CKAP5: variants seen among roughly 807,000 people sequenced by gnomAD.
The protein encoded by CKAP5 is cytoskeleton associated protein 5, also known as cytoskeleton-associated protein 5.
In CKAP5, 27 loss-of-function variants were observed where a neutral mutation model predicts 232.8. That is an observed-to-expected ratio of 0.12 (90% confidence interval 0.09 to 0.16). The LOEUF (loss-of-function observed/expected upper bound fraction) is 0.16. Ranked by LOEUF, CKAP5 falls within the 10% of genes least tolerant of loss-of-function variation. The pLI is 1.00. For missense variants in CKAP5, 1,838 were observed against 2,424.7 expected (o/e 0.76, Z 5.08); for synonymous variants, 785 against 841.1 (o/e 0.93, Z 1.16).
intron 4 of CKAP5, among the ~76,000 whole-genome samples, chr11:46,813,944 C>T (rs1474325577): frequency 1.3e-5 from 2 of 151,322 alleles, no homozygotes; most frequent in Non-Finnish European, 2.9e-5. Flanking sequence ...CCAGCCTGAC[C>T]AACATGGAGA....
intron 22 of CKAP5, among the ~76,000 whole-genome samples, 197 bp from the exon 23 acceptor site, chr11:46,777,749 G>A (rs1452597056): frequency 6.6e-6 from 1 of 152,064 alleles, no homozygotes; most frequent in Non-Finnish European, 1.5e-5. Context: ...TCATCAGTTC[G>A]TAAAACTAGA....
intron 18 of CKAP5, 102 bp from the exon 19 acceptor site, chr11:46,780,587 G>A (rs2134623374): frequency 1.1e-6 from 1 of 888,694 alleles, no homozygotes; most frequent in Non-Finnish European, 1.8e-6. Flanking sequence ...CTTTGGCAAA[G>A]TTCTCACTTT....
At chr11:46,802,338 T>C (rs1939048268) in intron 8 of CKAP5, 1 of 152,188 alleles carries the variant, frequency 6.6e-6, no homozygotes, top group Admixed American at 6.5e-5. Flanking sequence ...CCTGGTAAGA[T>C]TTTACTGTGG....
intron 26 of CKAP5, among the ~76,000 whole-genome samples, 189 bp downstream of exon 26, chr11:46,769,774 C>T (rs1360774158): frequency 6.6e-6 from 1 of 151,948 alleles, no homozygotes; most frequent in Non-Finnish European, 1.5e-5. Flanking sequence ...ACCCTTAGTA[C>T]AGTTCCTGGC....
chr11:46,792,228 T>C (rs1565737932), intron 13 of CKAP5, among the ~76,000 whole-genome samples: 1 of 152,198 alleles, frequency 6.6e-6, no homozygotes, highest in Non-Finnish European at 1.5e-5. Flanking sequence ...TTGTTGTTGT[T>C]AACAGACATC....
chr11:46,831,420 C>G (rs976998672), intron 1 of CKAP5, among the ~76,000 whole-genome samples: 1 of 152,186 alleles, frequency 6.6e-6, no homozygotes, highest in Non-Finnish European at 1.5e-5. Context: ...ATGATATCTC[C>G]TTTGAAAGAA....
At chr11:46,791,928 G>C (rs190529061) in intron 13 of CKAP5, among the ~76,000 whole-genome samples, 1 of 152,252 alleles carries the variant, frequency 6.6e-6, no homozygotes, top group South Asian at 2.1e-4. Flanking sequence ...ATCCAGACCT[G>C]TTCTGAAACT....
At chr11:46,788,883 G>A in intron 15 of CKAP5, 110 bp from the exon 16 acceptor site, 1 of 736,538 alleles carries the variant, frequency 1.4e-6, no homozygotes, top group Non-Finnish European at 2.3e-6. Flanking sequence ...GAGTGGAATA[G>A]AACTGAGGAG....
At chr11:46,826,542 G>T (rs1395805517) in intron 1 of CKAP5, among the ~76,000 whole-genome samples, 1 of 152,158 alleles carries the variant, frequency 6.6e-6, no homozygotes, top group Non-Finnish European at 1.5e-5. Flanking sequence ...CAGGTCGTGG[G>T]CACTGCTCAC....
chr11:46,794,827 C>T (rs1938831377), intron 13 of CKAP5, among the ~76,000 whole-genome samples: 1 of 151,912 alleles, frequency 6.6e-6, no homozygotes, highest in African/African-American at 2.4e-5. Flanking sequence ...CAGAGCAAGA[C>T]CTTGTCTCTA....
chr11:46,824,631 C>T (rs1046752957), intron 1 of CKAP5, among the ~76,000 whole-genome samples: 6 of 152,120 alleles, frequency 3.9e-5, no homozygotes, highest in Non-Finnish European at 7.4e-5. Flanking sequence ...ATTATTATAC[C>T]TCTGTATTTT....
At chr11:46,812,129 C>G (rs1939287634) in intron 4 of CKAP5, among the ~76,000 whole-genome samples, 1 of 152,228 alleles carries the variant, frequency 6.6e-6, no homozygotes, top group South Asian at 2.1e-4. Context: ...GTCAGAAGTT[C>G]AAGGCCAGCC....
chr11:46,750,377 T>C lies in CKAP5; in HGVS notation c.5601A>G (p.Pro1867=), dbSNP rs1051521466. Residue 1867 remains proline, a synonymous_variant, in exon 42 of 44, where the codon CCA becomes CCG. Coordinates refer to ENST00000529230, the MANE Select transcript of CKAP5 (RefSeq NM_001008938.4). ...AGAACTGTGAGGAATTTTTCAGAAA[T>C]GGTTCAATGTCAGCATCTGAGTATT... The part of the protein sequence containing the change: ...KKKYSDADIE[P]FLKNSSQFFQ... 5 of 1,614,058 alleles carry C rather than the reference T, an allele frequency of 3.1e-6. No homozygotes were observed. Among genetic ancestry groups the C allele is most frequent in the Non-Finnish European group, 4.2e-6 (5 of 1,180,022 alleles).
chr11:46,744,049 C>T lies in CKAP5; in HGVS notation c.6073G>A (p.Glu2025Lys). 1 of 1,613,346 alleles carries T rather than the reference C, an allele frequency of 6.2e-7. No individual in the cohort carries two copies. Among genetic ancestry groups the T allele is most frequent in the Non-Finnish European group, 8.5e-7 (1 of 1,180,010 alleles). ...CATTTGCGACTGCTCTTTATTCTCT[C>T]CAGTCTTTTTTTCAAGTCGTCTATG... ...ANIDDLKKRL[E>K]RIKSSRK is the part of the protein sequence containing the mutation. Residue 2025 changes from glutamate (E) to lysine (K), a missense_variant, in exon 44 of 44, where the codon GAG becomes AAG. Around this residue, in one of 6 missense-constraint regions of CKAP5, gnomAD observed 62 missense variants for 61.1 expected, o/e 1.01. Transcript: ENST00000529230.
At chr11:46,790,006 TC>T in intron 15 of CKAP5, 69 bp downstream of exon 15, 1 of 990,678 alleles carries the variant, frequency 1.0e-6, no homozygotes, top group Non-Finnish European at 1.6e-6. Flanking sequence ...GACAAATCCT[TC>T]ATTCATCAAT....
intron 42 of CKAP5, among the ~76,000 whole-genome samples, chr11:46,749,262 C>T (rs2134565944): frequency 6.6e-6 from 1 of 151,656 alleles, no homozygotes. Flanking sequence ...CAAGACCAGC[C>T]TGGCCAACAT....
At chr11:46,833,952 C>A (rs1395392218) in intron 1 of CKAP5, among the ~76,000 whole-genome samples, 1 of 152,132 alleles carries the variant, frequency 6.6e-6, no homozygotes, top group South Asian at 2.1e-4. Flanking sequence ...TCACTGCAAC[C>A]TCTGCCTCCT....
rs538733376 is a variant in CKAP5, at chr11:46,760,507, A to G, written c.4394+105T>C. 2.8e-5 allele frequency: 30 copies of G among 1,072,038 alleles called. No homozygotes were observed. In the East Asian group the frequency reaches 6.8e-4, roughly 24 times the overall value. The allele number at this position is 1,072,038 out of a possible 1,614,324, so 66.4% of individuals were successfully genotyped here. ...CATTTACCCAGACACTCTGTCATGCATGATAATGGCTACAAGAACTCAAGA... is the reference window on the plus strand; with the variant it reads ...CATTTACCCAGACACTCTGTCATGCGTGATAATGGCTACAAGAACTCAAGA... On this transcript the variant is annotated intron_variant, in intron 33 of 43. Transcript: ENST00000529230.
intron 1 of CKAP5, among the ~76,000 whole-genome samples, chr11:46,822,101 G>A (rs1010722616): frequency 1.3e-5 from 2 of 151,634 alleles, no homozygotes; most frequent in African/African-American, 4.8e-5. Context: ...CAACATGGTG[G>A]AACCCCATCT....
Sources: gnomAD v4.1 joint callset for allele counts (sites outside exome capture counted in the v4.1 genomes callset) on GRCh38, gnomAD v4.1.1 for gene constraint, gnomAD v4.1.1 regional missense constraint, MANE v1.5 for transcripts, NCBI Gene and HGNC (gene_info 2026-07-23, HGNC 2026-07-21) for gene names.